Variants in RIT2 observed in about 807,000 individuals in gnomAD.
The protein encoded by RIT2 is GTP-binding protein Rit2.
In RIT2, 24 loss-of-function variants were observed where a neutral mutation model predicts 23.7. The ratio of observed to expected loss-of-function variants is 1.01; its 90% CI spans 0.73 to 1.43. RIT2 has a LOEUF of 1.43. RIT2 is among the 40% of genes most tolerant of loss of function. The pLI, the probability that RIT2 is intolerant of heterozygous loss-of-function variation, is 0.00. For synonymous variants in RIT2, 107 were observed against 91.1 expected (o/e 1.17, Z -0.99); for missense variants, 236 against 266.9 (o/e 0.88, Z 0.81).
intron 2 of RIT2, among the ~76,000 whole-genome samples, chr18:42,974,811 C>A (rs1910442644): frequency 6.6e-6 from 1 of 151,906 alleles, no homozygotes; most frequent in African/African-American, 2.4e-5. Flanking sequence ...TTTATAATGG[C>A]ATCAAAATTA....
At chr18:42,895,692 C>A (rs1908310116) in intron 4 of RIT2, among the ~76,000 whole-genome samples, 1 of 151,768 alleles carries the variant, frequency 6.6e-6, no homozygotes, top group Admixed American at 6.6e-5. Flanking sequence ...GATTTTCACT[C>A]AAATTTTTGT....
At chr18:42,840,730 A>G (rs1329623183) in intron 4 of RIT2, among the ~76,000 whole-genome samples, 8 of 152,250 alleles carry the variant, frequency 5.3e-5, no homozygotes, top group Admixed American at 3.9e-4. Flanking sequence ...CGAACTTTCA[A>G]CCTCAGGTGA....
At chr18:42,976,812 A>C (rs889244331) in intron 2 of RIT2, among the ~76,000 whole-genome samples, 1 of 152,112 alleles carries the variant, frequency 6.6e-6, no homozygotes, top group African/African-American at 2.4e-5. Context: ...CTAGAGGCAC[A>C]GAAAGAAGAT....
At chr18:42,859,339 TA>T (rs1907266497) in intron 4 of RIT2, among the ~76,000 whole-genome samples, 1 of 152,220 alleles carries the variant, frequency 6.6e-6, no homozygotes, top group Non-Finnish European at 1.5e-5. Context: ...ATTGACCATT[TA>T]AAAAAATCAT....
At chr18:43,078,654 C>G (rs542555027) in intron 1 of RIT2, among the ~76,000 whole-genome samples, 1 of 152,296 alleles carries the variant, frequency 6.6e-6, no homozygotes, top group East Asian at 1.9e-4. Flanking sequence ...AGCATGGCCA[C>G]AGGGTGCAGG....
intron 2 of RIT2, among the ~76,000 whole-genome samples, chr18:43,007,686 T>G (rs1325454742): frequency 6.6e-6 from 1 of 151,716 alleles, no homozygotes; most frequent in Non-Finnish European, 1.5e-5. Flanking sequence ...GACAATGACT[T>G]CATTGAAATA....
chr18:42,977,134 A>T (rs925226695), intron 2 of RIT2, among the ~76,000 whole-genome samples: 3 of 152,080 alleles, frequency 2.0e-5, no homozygotes, highest in African/African-American at 7.2e-5. Flanking sequence ...AGAAACAGTT[A>T]TCTGGGCCTG....
intron 2 of RIT2, among the ~76,000 whole-genome samples, chr18:42,999,295 A>G (rs1911054214): frequency 6.6e-6 from 1 of 152,108 alleles, no homozygotes; most frequent in Admixed American, 6.6e-5. Context: ...TCTGACATTC[A>G]TAATGCAGTT....
At chr18:42,929,053 A>ATATATATATT (rs1232308061) in intron 3 of RIT2, among the ~76,000 whole-genome samples, 1 of 145,370 alleles carries the variant, frequency 6.9e-6, no homozygotes, top group Non-Finnish European at 1.5e-5. Context: ...ATATATATAT[A>ATATATATATT]TATATTTATA....
intron 4 of RIT2, among the ~76,000 whole-genome samples, chr18:42,756,802 A>AT (rs1336658966): frequency 2.6e-5 from 4 of 152,078 alleles, no homozygotes; most frequent in Non-Finnish European, 5.9e-5. Context: ...TAAATTTTCC[A>AT]TTTTAACATG....
chr18:42,794,209 T>C (rs1408191918), intron 4 of RIT2, among the ~76,000 whole-genome samples: 1 of 152,094 alleles, frequency 6.6e-6, no homozygotes, highest in Non-Finnish European at 1.5e-5. Flanking sequence ...AGGCCACACG[T>C]TGCCTAGCAG....
intron 2 of RIT2, among the ~76,000 whole-genome samples, chr18:42,999,232 C>A (rs945811844): frequency 6.6e-6 from 1 of 151,898 alleles, no homozygotes; most frequent in Non-Finnish European, 1.5e-5. Flanking sequence ...TTTTCATAGG[C>A]ACTATGAGCA....
chr18:43,084,241 G>A (rs555058411), intron 1 of RIT2, among the ~76,000 whole-genome samples: 1 of 152,276 alleles, frequency 6.6e-6, no homozygotes, highest in African/African-American at 2.4e-5. Flanking sequence ...AACAGCAGAT[G>A]CTGGCAAGGC....
chr18:43,049,362 C>G (rs932419867), intron 1 of RIT2, among the ~76,000 whole-genome samples: 3 of 152,160 alleles, frequency 2.0e-5, no homozygotes, highest in African/African-American at 7.2e-5. Context: ...AATGACAGCT[C>G]TAGCTCAATT....
At chr18:42,834,066 C>T (rs1413341894) in intron 4 of RIT2, among the ~76,000 whole-genome samples, 3 of 152,082 alleles carry the variant, frequency 2.0e-5, no homozygotes, top group Admixed American at 1.3e-4. Flanking sequence ...AAATAACTTG[C>T]CCTCTCCCCA....
At chr18:43,003,997 A>G (rs1911169703) in intron 2 of RIT2, among the ~76,000 whole-genome samples, 1 of 151,808 alleles carries the variant, frequency 6.6e-6, no homozygotes, top group African/African-American at 2.4e-5. Context: ...TATTCAAAAA[A>G]TCAGAAGGAT....
intron 3 of RIT2, among the ~76,000 whole-genome samples, chr18:42,936,647 T>C (rs566805614): frequency 6.6e-6 from 1 of 152,280 alleles, no homozygotes; most frequent in South Asian, 2.1e-4. Context: ...AACCCTTAAG[T>C]ATATATCTCT....
intron 2 of RIT2, among the ~76,000 whole-genome samples, chr18:43,024,730 A>T (rs944402471): frequency 2.0e-5 from 3 of 151,934 alleles, no homozygotes; most frequent in Non-Finnish European, 4.4e-5. Flanking sequence ...AACAACAACA[A>T]CAACAACAAC....
At chr18:42,826,178 A>C (rs1906292257) in intron 4 of RIT2, among the ~76,000 whole-genome samples, 1 of 152,046 alleles carries the variant, frequency 6.6e-6, no homozygotes, top group African/African-American at 2.4e-5. Flanking sequence ...CGCACACACA[A>C]AAAATCCTAA....
Sources: allele counts gnomAD v4.1 joint callset (sites outside exome capture counted in the v4.1 genomes callset), GRCh38; gene constraint gnomAD v4.1.1; transcripts MANE v1.5; gene names NCBI Gene and HGNC (gene_info 2026-07-23, HGNC 2026-07-21).